Variants in TRIM71 observed in about 807,000 individuals in gnomAD.
The protein encoded by TRIM71 is tripartite motif containing 71.
Under a neutral mutation model 61.2 loss-of-function variants are expected in TRIM71, and 9 were observed. The observed-to-expected ratio is 0.15, with a 90% confidence interval of 0.09 to 0.26. The LOEUF is 0.26. Ranked by LOEUF, TRIM71 falls within the 10% of genes least tolerant of loss-of-function variation. The probability of loss-of-function intolerance (pLI) is 1.00; values close to 1 mark genes in which losing one functional copy is unlikely to be tolerated. For synonymous variants in TRIM71, 645 were observed against 553.2 expected (o/e 1.17, Z -2.33); for missense variants, 998 against 1,238.7 (o/e 0.81, Z 2.92).
At chr3:32,826,151 G>C (rs1309985810) in intron 1 of TRIM71, among the ~76,000 whole-genome samples, 3 of 152,134 alleles carry the variant, frequency 2.0e-5, no homozygotes, top group African/African-American at 7.2e-5. Context: ...ATGAAATGGG[G>C]GAAGATCCCA....
rs139531363 is a variant in TRIM71 at position 32,836,957 on chromosome 3, A to G, written c.852+18025A>G. Among the ~76,000 whole-genome samples the G allele has an allele frequency of 2.1e-3, 324 of 152,284 alleles. 1 individual carries two copies. Among genetic ancestry groups the G allele is most frequent in the African/African-American group, 7.2e-3 (298 of 41,558 alleles). ...CGACCCATTCCTTCAGCATGTACCT[A>G]TTCCTGGGCTGGGTCTTTCTATACA... On this transcript the variant is annotated intron_variant, in intron 1 of 3. Transcript: ENST00000383763.
At chr3:32,859,715 G>C (rs1009704445) in intron 1 of TRIM71, among the ~76,000 whole-genome samples, 10 of 152,162 alleles carry the variant, frequency 6.6e-5, no homozygotes, top group African/African-American at 1.2e-4. Flanking sequence ...TGGCTTTCCA[G>C]GGGTCACTTC....
intron 3 of TRIM71, among the ~76,000 whole-genome samples, chr3:32,889,846 C>T (rs566577850): frequency 6.6e-6 from 1 of 152,172 alleles, no homozygotes; most frequent in South Asian, 2.1e-4. Context: ...CTGCTTCATC[C>T]TCCCAAAGTG....
At chr3:32,830,965 C>T (rs1328115852) in intron 1 of TRIM71, among the ~76,000 whole-genome samples, 1 of 152,184 alleles carries the variant, frequency 6.6e-6, no homozygotes, top group East Asian at 1.9e-4. Flanking sequence ...CGCCCGCCAC[C>T]ACGCCTAGCT....
At chr3:32,870,529 C>T (rs1696783708) in intron 1 of TRIM71, among the ~76,000 whole-genome samples, 1 of 152,034 alleles carries the variant, frequency 6.6e-6, no homozygotes, top group African/African-American at 2.4e-5. Context: ...TATATCTGGG[C>T]TCTCAAGGCT....
intron 3 of TRIM71, among the ~76,000 whole-genome samples, chr3:32,888,786 C>CA (rs1242448437): frequency 1.3e-5 from 2 of 152,174 alleles, no homozygotes. Flanking sequence ...GTGGTCCACC[C>CA]ATCTTGGCCT....
rs369123249 is a variant in TRIM71, at chr3:32,890,977, C to T, written c.1773C>T (p.Leu591=). 5.6e-6 allele frequency: 9 copies of T among 1,614,038 alleles called. No homozygotes were observed. The highest frequency in any genetic ancestry group is 4.5e-5 in the East Asian group (2 of 44,888). Residue 591 remains leucine, a synonymous_variant, in exon 4 of 4, where the codon CTC becomes CTT. Transcript: ENST00000383763. The surrounding 1 kb of genome is among the most constrained non-coding windows in gnomAD (Gnocchi z 6.2). ...GCCGCAGCTACGTGGGCATTGGGCT[C>T]CCGGGCCTGAGCTTCGGCAGTGAGG... ...KSGRSYVGIG[L]PGLSFGSEGD...
At chr3:32,872,257 T>C (rs545658362) in intron 1 of TRIM71, among the ~76,000 whole-genome samples, 1 of 152,332 alleles carries the variant, frequency 6.6e-6, no homozygotes, top group East Asian at 1.9e-4. Flanking sequence ...TTTTTCCTGT[T>C]TCTGAATCGT....
chr3:32,856,813 T>TA (rs775171836), intron 1 of TRIM71, among the ~76,000 whole-genome samples: 65 of 152,172 alleles, frequency 4.3e-4, no homozygotes, highest in Middle Eastern at 3.4e-3. Flanking sequence ...CCTTGCCACT[T>TA]ACCAGGCTGG....
At chr3:32,837,972 A>C (rs535666694) in intron 1 of TRIM71, among the ~76,000 whole-genome samples, 2 of 152,150 alleles carry the variant, frequency 1.3e-5, no homozygotes, top group Non-Finnish European at 2.9e-5. Flanking sequence ...CTGGGAGGCA[A>C]ATTCCTCAAG....
At chr3:32,853,191 A>G (rs2125682603) in intron 1 of TRIM71, among the ~76,000 whole-genome samples, 1 of 147,914 alleles carries the variant, frequency 6.8e-6, no homozygotes, top group South Asian at 2.1e-4. Context: ...ATCTCAGCTC[A>G]CTGCAACCTC....
intron 1 of TRIM71, among the ~76,000 whole-genome samples, chr3:32,851,227 A>G (rs1696535399): frequency 1.3e-5 from 2 of 152,214 alleles, no homozygotes; most frequent in African/African-American, 4.8e-5. Context: ...AAAATTTCTT[A>G]AGTAGATGGT....
intron 3 of TRIM71, among the ~76,000 whole-genome samples, chr3:32,888,219 C>T (rs968741232): frequency 6.6e-6 from 1 of 151,918 alleles, no homozygotes; most frequent in Non-Finnish European, 1.5e-5. Flanking sequence ...ACAGACATGC[C>T]AAAAGCGTGC....
At chr3:32,838,866 T>A (rs1356949846) in intron 1 of TRIM71, among the ~76,000 whole-genome samples, 9 of 152,118 alleles carry the variant, frequency 5.9e-5, no homozygotes, top group Non-Finnish European at 2.9e-5. Context: ...AGTGTTGCGA[T>A]CTCAGCTCAC....
At position 32,891,294 on chromosome 3, in the gene TRIM71, A is replaced by G. The variant is rs1697021809; in HGVS notation, c.2090A>G (p.Asn697Ser). Residue 697 changes from asparagine to serine, a missense_variant, in exon 4 of 4, where the codon AAT (asparagine) becomes AGT (serine). Around this residue, in one of 5 missense-constraint regions of TRIM71, gnomAD observed 83 missense variants for 202.7 expected, o/e 0.41. Transcript: ENST00000383763. The surrounding 1 kb of genome is among the most constrained non-coding windows in gnomAD (Gnocchi z 8.2). Reference protein sequence around the residue: ...LLKFGEKGTKNGQFNYPWDVA... With the variant: ...LLKFGEKGTKSGQFNYPWDVA... ...AAGTTTGGTGAGAAAGGAACCAAGA[A>G]TGGGCAGTTCAACTACCCTTGGGAT... 6.2e-7 allele frequency: 1 copy of G among 1,614,064 alleles called. No homozygotes were observed. Among genetic ancestry groups the G allele is most frequent in the Non-Finnish European group, 8.5e-7 (1 of 1,180,016 alleles).
chr3:32,818,557 C>T lies in TRIM71; in HGVS notation c.477C>T (p.Arg159=). The change falls in exon 1 of 4, where the codon CGC becomes CGT. Residue 159 remains arginine, a synonymous_variant. Coordinates refer to ENST00000383763, the MANE Select transcript of TRIM71 (RefSeq NM_001039111.3). ...ACCACGCTCACCACGCGCACCCGCG[C>T]GCGTCCGCCTCCGCGCCGCCACTCC... ...HRHHAHHAHP[R]ASASAPPLPQ... 4 of 1,263,682 alleles carry T rather than the reference C, an allele frequency of 3.2e-6. No homozygotes were observed. Among genetic ancestry groups the T allele is most frequent in the Non-Finnish European group, 4.0e-6 (4 of 1,011,858 alleles). 78.3% of individuals were successfully genotyped at this position (1,263,682 alleles called of 1,614,324 possible).
intron 2 of TRIM71, among the ~76,000 whole-genome samples, chr3:32,884,544 AAAAAAAAAAAG>A (rs994463813): frequency 3.3e-5 from 5 of 151,430 alleles, no homozygotes; most frequent in African/African-American, 1.2e-4. Context: ...CTATTTGAAA[AAAAAAAAAAAG>A]AAAGAAAAAG....
intron 2 of TRIM71, among the ~76,000 whole-genome samples, chr3:32,881,596 G>A (rs1320743111): frequency 2.6e-5 from 4 of 152,172 alleles, no homozygotes; most frequent in African/African-American, 9.7e-5. Flanking sequence ...ACTTTTAAAT[G>A]TTTAATTAGA....
intron 1 of TRIM71, among the ~76,000 whole-genome samples, chr3:32,857,290 T>C (rs923161603): frequency 6.6e-6 from 1 of 152,252 alleles, no homozygotes; most frequent in Non-Finnish European, 1.5e-5. Context: ...CTCCTGGGTC[T>C]GTCCCATTCT....
Sources: gnomAD v4.1 joint callset for allele counts (sites outside exome capture counted in the v4.1 genomes callset) on GRCh38, gnomAD v4.1.1 for gene constraint, gnomAD v4.1.1 regional missense constraint, Gnocchi (gnomAD v3.1) non-coding constraint, MANE v1.5 for transcripts, NCBI Gene and HGNC (gene_info 2026-07-23, HGNC 2026-07-21) for gene names.